The following GRIK2 variants were observed in gnomAD, a reference collection of about 807,000 sequenced individuals.
GRIK2 encodes the protein glutamate ionotropic receptor kainate type subunit 2, also known as glutamate receptor ionotropic, kainate 2.
Under a neutral mutation model 100.3 loss-of-function variants are expected in GRIK2, and 32 were observed. The ratio of observed to expected loss-of-function variants is 0.32; its 90% CI spans 0.24 to 0.43. GRIK2 has a LOEUF of 0.43. Among genes scored for constraint, GRIK2 ranks in the 20% least tolerant of loss-of-function variants. The probability of loss-of-function intolerance (pLI) is 1.00; values close to 1 mark genes in which losing one functional copy is unlikely to be tolerated. For missense variants in GRIK2, 843 were observed against 1,114.9 expected (o/e 0.76, Z 3.47); for synonymous variants, 417 against 389.4 (o/e 1.07, Z -0.83).
chr6:101,637,246 A>T (rs1047119544), intron 4 of GRIK2, among the ~76,000 whole-genome samples: 1 of 151,988 alleles, frequency 6.6e-6, no homozygotes, highest in African/African-American at 2.4e-5. Context: ...ACCAATCTAC[A>T]TTTTCAGTTG....
At chr6:101,558,934 T>C (rs1776868547) in intron 2 of GRIK2, among the ~76,000 whole-genome samples, 1 of 152,116 alleles carries the variant, frequency 6.6e-6, no homozygotes, top group Non-Finnish European at 1.5e-5. Flanking sequence ...CAGATCACCG[T>C]ATATTTATGA....
In GRIK2 at chr6:101,622,047, C is replaced by T; in HGVS notation, c.214C>T (p.Pro72Ser). 1 of 1,601,256 alleles carries T rather than the reference C, an allele frequency of 6.2e-7. No homozygotes were observed. Among genetic ancestry groups the T allele is most frequent in the Non-Finnish European group, 8.6e-7 (1 of 1,168,544 alleles). The change falls in exon 3 of 17, where the codon CCC becomes TCC. Residue 72 changes from proline (P) to serine (S), a missense_variant. Coordinates refer to ENST00000369134, the MANE Select transcript of GRIK2 (RefSeq NM_021956.5). ...AATTAACAGAAACAGAACATTGCTA[C>T]CCAATACTACCCTTACCTATGATAC... ...NTINRNRTLL[P>S]NTTLTYDTQK...
In GRIK2 at chr6:101,958,134, A is replaced by C. The variant is rs181524700; in HGVS notation, c.2085+29502A>C. ...CATTTTAACAATATTGACTCTTCCA[A>C]ACTATGAGCATAGAATGTTTTTCCA... is the stretch of plus-strand genomic sequence containing the variant. On this transcript the variant is annotated intron_variant, in intron 14 of 16. Transcript: ENST00000369134. Among the ~76,000 whole-genome samples, 319 of 152,218 alleles carry C rather than the reference A, an allele frequency of 2.1e-3. 1 individual carries two copies. Among genetic ancestry groups the C allele is most frequent in the African/African-American group, 7.4e-3 (307 of 41,568 alleles).
At chr6:101,730,154 G>A (rs1775159341) in intron 7 of GRIK2, among the ~76,000 whole-genome samples, 1 of 151,918 alleles carries the variant, frequency 6.6e-6, no homozygotes, top group Admixed American at 6.6e-5. Flanking sequence ...ATCTAGATAT[G>A]TTGATGTACT....
intron 4 of GRIK2, among the ~76,000 whole-genome samples, chr6:101,661,845 A>G (rs927103760): frequency 6.6e-6 from 1 of 152,094 alleles, no homozygotes; most frequent in African/African-American, 2.4e-5. Flanking sequence ...TGGGTACCTC[A>G]GTTGGAAATG....
intron 2 of GRIK2, among the ~76,000 whole-genome samples, chr6:101,410,517 TA>T (rs138352535): frequency 2.0e-5 from 3 of 150,948 alleles, no homozygotes; most frequent in Non-Finnish European, 4.4e-5. Flanking sequence ...TAAACTGACT[TA>T]AAAAAAAAGA....
intron 7 of GRIK2, among the ~76,000 whole-genome samples, chr6:101,792,900 T>C (rs569261304): frequency 1.1e-3 from 172 of 152,136 alleles, no homozygotes; most frequent in African/African-American, 3.3e-3. Context: ...GGAGGCTTTG[T>C]TCATTTCTTT....
At chr6:101,619,032 A>G (rs1378694543) in intron 2 of GRIK2, among the ~76,000 whole-genome samples, 1 of 149,158 alleles carries the variant, frequency 6.7e-6, no homozygotes, top group African/African-American at 2.5e-5. Context: ...TCTTCTTGGA[A>G]CAATTACTAA....
intron 11 of GRIK2, among the ~76,000 whole-genome samples, chr6:101,859,964 G>T (rs1784645370): frequency 6.6e-6 from 1 of 152,048 alleles, no homozygotes; most frequent in Non-Finnish European, 1.5e-5. Flanking sequence ...CCTTTTTTTA[G>T]AATTTAGTAT....
At chr6:101,908,110 C>T (rs1041819972) in intron 12 of GRIK2, among the ~76,000 whole-genome samples, 5 of 151,292 alleles carry the variant, frequency 3.3e-5, no homozygotes, top group African/African-American at 4.8e-5. Flanking sequence ...TCATTCTGTC[C>T]GAGCTGTCAT....
rs1026087644 is a variant in GRIK2, at chr6:101,511,543, A to G, written c.116-110406A>G. Reference sequence around the variant, plus strand: ...TTAAGCATTTTGGACACCCAAATGTATAAAATATATGAATAATAAATTTAT... The same window carrying G: ...TTAAGCATTTTGGACACCCAAATGTGTAAAATATATGAATAATAAATTTAT... On this transcript the variant is annotated intron_variant, in intron 2 of 16. Transcript: ENST00000369134. Among the ~76,000 whole-genome samples, 78 of 151,940 alleles carry G rather than the reference A, an allele frequency of 5.1e-4. 1 individual carries two copies. Among genetic ancestry groups the G allele is most frequent in the Admixed American group, 3.3e-4 (5 of 15,248 alleles).
At chr6:101,676,422 T>G (rs1770844685) in intron 4 of GRIK2, among the ~76,000 whole-genome samples, 1 of 152,114 alleles carries the variant, frequency 6.6e-6, no homozygotes, top group African/African-American at 2.4e-5. Context: ...TTAAATACAC[T>G]TATACATGGT....
At chr6:101,693,127 G>A (rs922385422) in intron 7 of GRIK2, among the ~76,000 whole-genome samples, 3 of 152,036 alleles carry the variant, frequency 2.0e-5, no homozygotes, top group Admixed American at 1.3e-4. Context: ...TAAATAAGCA[G>A]CATTTAAGCA....
chr6:101,730,043 A>C (rs9373622), intron 7 of GRIK2, among the ~76,000 whole-genome samples: 18,873 of 151,922 alleles, frequency 0.12, 1,372 homozygotes, highest in South Asian at 0.2. Context: ...AATAAAATAT[A>C]ATTTAAAGGC....
At chr6:101,789,030 A>G (rs1405754514) in intron 7 of GRIK2, among the ~76,000 whole-genome samples, 5 of 152,004 alleles carry the variant, frequency 3.3e-5, no homozygotes, top group African/African-American at 4.8e-5. Context: ...GTGTGTTCAT[A>G]TCCTTCGCCC....
intron 10 of GRIK2, among the ~76,000 whole-genome samples, chr6:101,818,873 A>G (rs1361444): frequency 0.3 from 45,249 of 152,036 alleles, 9,553 homozygotes; most frequent in East Asian, 0.67. Flanking sequence ...TATATTTCAT[A>G]GGGCATGGCA....
intron 2 of GRIK2, among the ~76,000 whole-genome samples, chr6:101,426,572 T>C (rs561576977): frequency 2.5e-4 from 38 of 152,236 alleles, no homozygotes; most frequent in African/African-American, 8.9e-4. Context: ...CTATTATGTA[T>C]CAATACAAAA....
chr6:101,880,366 TCTC>T (rs1161173528), intron 11 of GRIK2, among the ~76,000 whole-genome samples: 4 of 152,184 alleles, frequency 2.6e-5, no homozygotes, highest in East Asian at 1.9e-4. Flanking sequence ...CCATAAATCT[TCTC>T]CTAACCACTC....
At chr6:102,020,308 A>G (rs1486717585) in intron 14 of GRIK2, among the ~76,000 whole-genome samples, 2 of 151,942 alleles carry the variant, frequency 1.3e-5, no homozygotes, top group Non-Finnish European at 2.9e-5. Context: ...GACCTTTGCT[A>G]TAGCTTTAGG....
Sources: allele counts gnomAD v4.1 joint callset (sites outside exome capture counted in the v4.1 genomes callset), GRCh38; gene constraint gnomAD v4.1.1; transcripts MANE v1.5; gene names NCBI Gene and HGNC (gene_info 2026-07-23, HGNC 2026-07-21).